Variants in SYNE1 observed in about 807,000 individuals in gnomAD.
SYNE1 encodes nesprin-1.
Under a neutral mutation model 1,111.0 loss-of-function variants are expected in SYNE1, and 616 were observed. The ratio of observed to expected loss-of-function variants is 0.55; its 90% confidence interval spans 0.52 to 0.59. The LOEUF (loss-of-function observed/expected upper bound fraction) is 0.59. Ranked by LOEUF, SYNE1 falls within the 20% of genes least tolerant of loss-of-function variation. The pLI is 0.00. For missense variants in SYNE1, 10,006 were observed against 10,417.0 expected, an observed-to-expected ratio of 0.96 and a Z score of 1.72; for synonymous variants, 3,855 against 3,825.8, an observed-to-expected ratio of 1.01 and a Z score of -0.28.
intron 131 of SYNE1, among the ~76,000 whole-genome samples, chr6:152,157,583 C>T (rs1451918958): frequency 6.6e-6 from 1 of 152,146 alleles, no homozygotes; most frequent in African/African-American, 2.4e-5. Context: ...ATTCCCAACA[C>T]ATAGAAATAA....
At chr6:152,350,490 A>C in intron 71 of SYNE1, 128 bp downstream of exon 71, 1 of 1,470,870 alleles carries the variant, frequency 6.8e-7, no homozygotes, top group Admixed American at 1.8e-5. Flanking sequence ...ATGCCAATTA[A>C]ATATCCATCT....
chr6:152,560,347 C>A (rs1199239877), intron 3 of SYNE1, among the ~76,000 whole-genome samples: 1 of 151,948 alleles, frequency 6.6e-6, no homozygotes, highest in African/African-American at 2.4e-5. Context: ...GCCTGTGTGA[C>A]AGAGCGAGAC....
At chr6:152,472,662 C>G in intron 14 of SYNE1, 2 of 701,992 alleles carry the variant, frequency 2.8e-6, no homozygotes, top group South Asian at 1.5e-5. Flanking sequence ...GACACTTGCA[C>G]AGCAATGCAT....
chr6:152,341,956 TAA>T (rs1180407507), intron 74 of SYNE1, among the ~76,000 whole-genome samples: 1 of 150,914 alleles, frequency 6.6e-6, no homozygotes, highest in African/African-American at 2.5e-5. Flanking sequence ...AGGGAAAAAC[TAA>T]AACAAAAGAA....
chr6:152,170,832 A>C (rs188280545), intron 130 of SYNE1, among the ~76,000 whole-genome samples: 1 of 152,116 alleles, frequency 6.6e-6, no homozygotes, highest in East Asian at 1.9e-4. Context: ...CCCAAATCTC[A>C]TCTTGACTTG....
At chr6:152,376,138 T>C (rs2097276624) in intron 58 of SYNE1, 1 of 494,544 alleles carries the variant, frequency 2.0e-6, no homozygotes, top group South Asian at 2.1e-5. Context: ...TTCCTCTGTG[T>C]GCACAGTTCA....
chr6:152,482,563 T>C (rs1258941707), intron 14 of SYNE1, among the ~76,000 whole-genome samples: 1 of 152,148 alleles, frequency 6.6e-6, no homozygotes, highest in Non-Finnish European at 1.5e-5. Flanking sequence ...GGAAATATAT[T>C]GGAAATTATA....
intron 73 of SYNE1, among the ~76,000 whole-genome samples, chr6:152,345,460 A>T (rs558023257): frequency 2.0e-5 from 3 of 152,002 alleles, no homozygotes; most frequent in Non-Finnish European, 4.4e-5. Flanking sequence ...TTTTTTTTTA[A>T]GTCTAGGAAG....
chr6:152,227,447 G>GTGATCATTTTTGT (rs1405821627), intron 115 of SYNE1, among the ~76,000 whole-genome samples: 27 of 152,242 alleles, frequency 1.8e-4, no homozygotes, highest in African/African-American at 6.3e-4. Flanking sequence ...GCAGCTTAAA[G>GTGATCATTTTTGT]TGATCATTTT....
chr6:152,456,610 C>T, intron 22 of SYNE1: 1 of 352,042 alleles, frequency 2.8e-6, no homozygotes, highest in Non-Finnish European at 5.6e-6. Context: ...GACCGATGCA[C>T]TTGGGGAAGA....
rs758629263 is a variant in SYNE1, at chr6:152,430,547, A to C, written c.4624T>G (p.Cys1542Gly). 1 of 1,614,144 alleles carries C rather than the reference A, an allele frequency of 6.2e-7. No individual in the cohort carries two copies. The highest frequency in any genetic ancestry group is 8.5e-7 in the Non-Finnish European group (1 of 1,180,000). Reference sequence around the variant, plus strand: ...TGTCCCAGGATTGTTCCTTCCAGACACTGTGCATGCTCTCGAAGCTCTTCC... The same window carrying C: ...TGTCCCAGGATTGTTCCTTCCAGACCCTGTGCATGCTCTCGAAGCTCTTCC... ...YGEELREHAQCLEGTILGHLS... is the reference protein window; with the variant it reads ...YGEELREHAQGLEGTILGHLS... The change falls in exon 35 of 146, where the codon TGT becomes GGT. Residue 1542 changes from cysteine to glycine, a missense_variant. By Grantham distance (159) the Cys-to-Gly change is radical (BLOSUM62 -3). Around this residue, in one of 7 missense-constraint regions of SYNE1, gnomAD observed 1,971 missense variants for 2,084.1 expected, o/e 0.95. Transcript: ENST00000367255.
chr6:152,323,216 C>T (rs1201092346), intron 82 of SYNE1, among the ~76,000 whole-genome samples: 4 of 152,026 alleles, frequency 2.6e-5, no homozygotes, highest in African/African-American at 7.2e-5. Flanking sequence ...TCTGGGAGGC[C>T]GAGGCGGGCG....
At chr6:152,437,494 A>G (rs2154217466) in intron 32 of SYNE1, among the ~76,000 whole-genome samples, 1 of 152,302 alleles carries the variant, frequency 6.6e-6, no homozygotes, top group Non-Finnish European at 1.5e-5. Flanking sequence ...TCTCATACAA[A>G]CTTGAGGACA....
intron 47 of SYNE1, among the ~76,000 whole-genome samples, chr6:152,400,620 C>T (rs150063952): frequency 1.1e-3 from 167 of 152,078 alleles, no homozygotes; most frequent in African/African-American, 3.8e-3. Flanking sequence ...CCAGATTGTG[C>T]CACTGCACTC....
chr6:152,442,338 A>C, intron 30 of SYNE1, 93 bp from the exon 31 acceptor site: 1 of 1,477,422 alleles, frequency 6.8e-7, no homozygotes, highest in East Asian at 2.3e-5. Flanking sequence ...AAGTACAGAA[A>C]GGTGGGCCCG....
rs1321250488 is a variant in SYNE1 at position 152,344,084 on chromosome 6, C to T, written c.12222G>A (p.Lys4074=). 3 of 1,614,218 alleles carry T rather than the reference C, an allele frequency of 1.9e-6. No individual in the cohort carries two copies. Among genetic ancestry groups the T allele is most frequent in the South Asian group, 2.2e-5 (2 of 91,090 alleles). Residue 4074 remains lysine (K), a synonymous_variant, in exon 74 of 146, where the codon AAG becomes AAA. Transcript: ENST00000367255. Reference sequence around the variant, plus strand: ...CAAACTTTCAGGAGTTTACTACCTGCTTAATGGCTTCTGCCCTACTAAGAG... The same window carrying T: ...CAAACTTTCAGGAGTTTACTACCTGTTTAATGGCTTCTGCCCTACTAAGAG... ...QPPLSRAEAI[K]QVKHFRALQE... is the part of the protein sequence containing the mutation.
chr6:152,619,778 G>C (rs79081471), intron 3 of SYNE1, among the ~76,000 whole-genome samples: 2,573 of 152,172 alleles, frequency 0.017, 65 homozygotes, highest in African/African-American at 0.058. Context: ...AATTTCTCAA[G>C]GGTCATTGTC....
chr6:152,379,074 C>T (rs2097348432), intron 56 of SYNE1, among the ~76,000 whole-genome samples: 1 of 152,154 alleles, frequency 6.6e-6, no homozygotes, highest in Non-Finnish European at 1.5e-5. Context: ...ACTAAAGAAA[C>T]TTAGCATTCA....
At chr6:152,456,722 C>A (rs1451632032) in intron 22 of SYNE1, 2 of 450,392 alleles carry the variant, frequency 4.4e-6, no homozygotes, top group Non-Finnish European at 8.9e-6. Context: ...CAGTAGACAG[C>A]ATGGAAATCA....
Sources: allele counts gnomAD v4.1 joint callset (sites outside exome capture counted in the v4.1 genomes callset), GRCh38; gene constraint gnomAD v4.1.1; regional missense constraint gnomAD v4.1.1; transcripts MANE v1.5; gene names NCBI Gene and HGNC (gene_info 2026-07-23, HGNC 2026-07-21).